The following AFDN variants were observed in gnomAD, a reference collection of about 807,000 sequenced individuals.
The protein encoded by AFDN is afadin, adherens junction formation factor.
Under a neutral mutation model 216.6 loss-of-function variants are expected in AFDN, and 68 were observed. The observed-to-expected ratio is 0.31, with a 90% CI of 0.26 to 0.38. The LOEUF is 0.38. AFDN is among the 10% of genes least tolerant of loss of function. The probability of loss-of-function intolerance (pLI) is 1.00; values close to 1 mark genes in which losing one functional copy is unlikely to be tolerated. For missense variants in AFDN, 2,136 were observed against 2,342.0 expected, an observed-to-expected ratio of 0.91 and a Z score of 1.82; for synonymous variants, 868 against 853.7, an observed-to-expected ratio of 1.02 and a Z score of -0.29.
chr6:167,869,395 C>T (rs1471185004), intron 2 of AFDN, among the ~76,000 whole-genome samples: 1 of 152,146 alleles, frequency 6.6e-6, no homozygotes, highest in Non-Finnish European at 1.5e-5. Context: ...AAGGTAGGGA[C>T]TTTAAGATAA....
At chr6:167,896,542 T>C (rs967231660) in intron 9 of AFDN, among the ~76,000 whole-genome samples, 3 of 152,224 alleles carry the variant, frequency 2.0e-5, no homozygotes, top group Non-Finnish European at 2.9e-5. Context: ...GTGTCTTTGA[T>C]GAGCTTCATA....
chr6:167,954,395 A>C lies in AFDN; in HGVS notation c.4833+2208A>C, dbSNP rs186659711. On this transcript the variant is annotated intron_variant, in intron 30 of 33. Transcript: ENST00000683244. ...TATGCCGATGGCAGATTACAGGTCTAAACCTAACTTTTTTTTCCACACTTC... is the reference window on the plus strand; with the variant it reads ...TATGCCGATGGCAGATTACAGGTCTCAACCTAACTTTTTTTTCCACACTTC... 122 of 1,449,824 alleles carry C rather than the reference A, an allele frequency of 8.4e-5. No homozygotes were observed. The East Asian group carries it at 2.8e-3, about 34-fold the overall frequency. 89.8% of individuals were successfully genotyped at this position (1,449,824 alleles called of 1,614,324 possible).
At chr6:167,879,809 C>A (rs1430922409) in intron 5 of AFDN, among the ~76,000 whole-genome samples, 1 of 152,182 alleles carries the variant, frequency 6.6e-6, no homozygotes, top group African/African-American at 2.4e-5. Context: ...GTTGGCAAAT[C>A]TCTTTTGAAA....
chr6:167,859,463 A>G (rs147192669), intron 1 of AFDN, among the ~76,000 whole-genome samples: 6 of 152,300 alleles, frequency 3.9e-5, no homozygotes, highest in African/African-American at 9.6e-5. Flanking sequence ...GGGAGTAGGA[A>G]TTGGTGATCT....
intron 32 of AFDN, 97 bp downstream of exon 32, chr6:167,966,142 C>CCGATGG: frequency 6.5e-7 from 1 of 1,535,260 alleles, no homozygotes; most frequent in Non-Finnish European, 8.7e-7. Context: ...CGCCCGGCCT[C>CCGATGG]CGATGGCGTC....
At chr6:167,928,158 GTCTT>G (rs1792811738) in intron 23 of AFDN, among the ~76,000 whole-genome samples, 1 of 152,200 alleles carries the variant, frequency 6.6e-6, no homozygotes, top group Non-Finnish European at 1.5e-5. Flanking sequence ...TCTGCATTCA[GTCTT>G]TCAGAGTTTT....
chr6:167,834,326 C>T (rs1780159467), intron 1 of AFDN, among the ~76,000 whole-genome samples: 1 of 152,082 alleles, frequency 6.6e-6, no homozygotes, highest in Non-Finnish European at 1.5e-5. Context: ...TAAGTGCTCG[C>T]ACTTAGGAGC....
intron 1 of AFDN, among the ~76,000 whole-genome samples, chr6:167,856,800 G>T (rs1782949763): frequency 6.6e-6 from 1 of 152,076 alleles, no homozygotes; most frequent in Non-Finnish European, 1.5e-5. Context: ...TGTGAAAAAG[G>T]AGTGTTTTAG....
At chr6:167,915,820 A>G (rs1427157580) in intron 19 of AFDN, among the ~76,000 whole-genome samples, 4 of 152,244 alleles carry the variant, frequency 2.6e-5, no homozygotes, top group Non-Finnish European at 4.4e-5. Context: ...GTTATTTCAA[A>G]TATTGTATGA....
At chr6:167,878,607 G>GTCTGTCTC (rs1785714104) in intron 5 of AFDN, among the ~76,000 whole-genome samples, 1 of 149,202 alleles carries the variant, frequency 6.7e-6, no homozygotes, top group African/African-American at 2.5e-5. Context: ...CTCTCTCTCT[G>GTCTGTCTC]TCTCTCTCTC....
At chr6:167,886,071 CA>C (rs767387576) in intron 6 of AFDN, among the ~76,000 whole-genome samples, 1 of 151,490 alleles carries the variant, frequency 6.6e-6, no homozygotes, top group Non-Finnish European at 1.5e-5. Context: ...AGTATGGTCA[CA>C]AAAATATAGT....
chr6:167,906,229 T>G (rs942419481), intron 12 of AFDN, among the ~76,000 whole-genome samples: 2 of 152,208 alleles, frequency 1.3e-5, no homozygotes, highest in Non-Finnish European at 2.9e-5. Flanking sequence ...AAGCATTGGT[T>G]TAATGAAGTA....
intron 1 of AFDN, among the ~76,000 whole-genome samples, chr6:167,856,057 G>A (rs1298738279): frequency 2.0e-5 from 3 of 152,094 alleles, no homozygotes; most frequent in South Asian, 2.1e-4. Context: ...TGTTCCACCC[G>A]GGATGTGAAT....
chr6:167,861,942 T>G (rs983496069), intron 1 of AFDN, among the ~76,000 whole-genome samples: 14 of 152,202 alleles, frequency 9.2e-5, no homozygotes, highest in African/African-American at 3.4e-4. Flanking sequence ...TTTAACTTCT[T>G]GTATAAGGGT....
chr6:167,873,364 T>C (rs2128260226), intron 4 of AFDN, among the ~76,000 whole-genome samples: 1 of 152,366 alleles, frequency 6.6e-6, no homozygotes, highest in East Asian at 1.9e-4. Flanking sequence ...TCCACTAAGA[T>C]GTTTATATTT....
At chr6:167,845,623 G>A (rs1318800405) in intron 1 of AFDN, among the ~76,000 whole-genome samples, 1 of 152,132 alleles carries the variant, frequency 6.6e-6, no homozygotes, top group South Asian at 2.1e-4. Context: ...TGATCCGTCT[G>A]CCTCGGCTTC....
intron 1 of AFDN, among the ~76,000 whole-genome samples, chr6:167,830,103 C>G (rs1779660188): frequency 6.6e-6 from 1 of 152,196 alleles, no homozygotes; most frequent in Non-Finnish European, 1.5e-5. Context: ...AAAGCTGTAG[C>G]TCACAGAAAC....
chr6:167,899,514 C>T (rs1450839713), intron 11 of AFDN, among the ~76,000 whole-genome samples: 2 of 152,178 alleles, frequency 1.3e-5, no homozygotes, highest in Non-Finnish European at 1.5e-5. Context: ...ATTGATCAGC[C>T]GTGTCCCTAT....
At chr6:167,899,987 C>T (rs958649588) in intron 11 of AFDN, among the ~76,000 whole-genome samples, 2 of 152,132 alleles carry the variant, frequency 1.3e-5, no homozygotes, top group Non-Finnish European at 2.9e-5. Context: ...TGTATTTTTG[C>T]CATGTGGATC....
Sources: allele counts gnomAD v4.1 joint callset (sites outside exome capture counted in the v4.1 genomes callset), GRCh38; gene constraint gnomAD v4.1.1; transcripts MANE v1.5; gene names NCBI Gene and HGNC (gene_info 2026-07-23, HGNC 2026-07-21).